CYP4X1: variants seen among roughly 807,000 people sequenced by gnomAD.
The protein encoded by CYP4X1 is cytochrome P450 family 4 subfamily X member 1.
In CYP4X1, 44 loss-of-function variants were observed where a neutral mutation model predicts 57.9. The ratio of observed to expected loss-of-function variants is 0.76; its 90% CI spans 0.60 to 0.98. CYP4X1 has a LOEUF of 0.98. CYP4X1 is among the 50% of genes least tolerant of loss of function. The pLI is 0.00. For synonymous variants in CYP4X1, 227 were observed against 228.6 expected (o/e 0.99, Z 0.06); for missense variants, 532 against 623.9 (o/e 0.85, Z 1.57).
the CYP4X1 span, among the ~76,000 whole-genome samples, chr1:46,965,989 T>C: frequency 8.4e-3 from 1,287 of 152,316 alleles, 14 homozygotes; most frequent in South Asian, 0.045. Context: ...GACCACAATC[T>C]GGCAAGGCAG....
chr1:47,030,858 G>A (rs1557603159), intron 2 of CYP4X1, among the ~76,000 whole-genome samples: 1 of 152,048 alleles, frequency 6.6e-6, no homozygotes, highest in Admixed American at 6.5e-5. Context: ...GCTCTGATTT[G>A]TGTCATGAGA....
At chr1:47,034,514 CACTT>C (rs1644158973) in intron 4 of CYP4X1, among the ~76,000 whole-genome samples, 1 of 152,192 alleles carries the variant, frequency 6.6e-6, no homozygotes. Context: ...GTTTTCCTCT[CACTT>C]CATGTGCAAA....
chr1:47,046,391 C>T, intron 8 of CYP4X1, 76 bp from the exon 9 acceptor site: 2 of 1,584,996 alleles, frequency 1.3e-6, no homozygotes, highest in South Asian at 1.2e-5. Context: ...GTAATAATTA[C>T]CAGGAACAAA....
chr1:47,021,142 CAAAAAAAAAAAAA>C (rs546594827), upstream of CYP4X1, among the ~76,000 whole-genome samples: 3 of 47,452 alleles, frequency 6.3e-5, no homozygotes, highest in South Asian at 1.8e-3. Flanking sequence ...GCAGGAATGC[CAAAAAAAAAAAAA>C]AAAAAAAAAA....
At chr1:47,038,060 AT>A (rs1372180431) in intron 6 of CYP4X1, among the ~76,000 whole-genome samples, 1 of 152,154 alleles carries the variant, frequency 6.6e-6, no homozygotes, top group African/African-American at 2.4e-5. Context: ...CACTGTTTTA[AT>A]TAAGGAGATT....
At chr1:46,961,742 T>C in the CYP4X1 span, 25 of 1,311,492 alleles carry the variant, frequency 1.9e-5, no homozygotes, top group Non-Finnish European at 2.4e-5. Flanking sequence ...TATGACTTCT[T>C]CCTCCAGTGG....
chr1:47,020,749 G>A (rs1643987444), upstream of CYP4X1, among the ~76,000 whole-genome samples: 1 of 152,194 alleles, frequency 6.6e-6, no homozygotes, highest in Non-Finnish European at 1.5e-5. Context: ...ATGGTTCCAT[G>A]TTCTTAAAAT....
chr1:46,963,859 T>G, the CYP4X1 span, among the ~76,000 whole-genome samples: 1 of 152,240 alleles, frequency 6.6e-6, no homozygotes, highest in Non-Finnish European at 1.5e-5. Context: ...GGTTCCATTC[T>G]CCCCGTCACT....
the CYP4X1 span, among the ~76,000 whole-genome samples, chr1:47,017,442 C>T: frequency 6.7e-6 from 1 of 148,466 alleles, no homozygotes; most frequent in Middle Eastern, 3.2e-3. Context: ...TTTTGAGGAA[C>T]ACTTTGACAA....
At chr1:47,041,849 T>G (rs1411010559) in intron 8 of CYP4X1, among the ~76,000 whole-genome samples, 1 of 152,158 alleles carries the variant, frequency 6.6e-6, no homozygotes, top group East Asian at 1.9e-4. Flanking sequence ...CAAAAAATCA[T>G]TGCCAAGAAT....
At chr1:47,006,096 G>T in the CYP4X1 span, among the ~76,000 whole-genome samples, 1 of 152,170 alleles carries the variant, frequency 6.6e-6, no homozygotes, top group Non-Finnish European at 1.5e-5. Context: ...ACTGTTAAAA[G>T]TGAAAGAATC....
chr1:47,029,951 A>T, intron 1 of CYP4X1, 39 bp from the exon 2 acceptor site: 1 of 1,605,308 alleles, frequency 6.2e-7, no homozygotes, highest in Non-Finnish European at 8.5e-7. Context: ...GGACAGGTCC[A>T]GCTTGGCTGG....
chr1:47,019,431 G>A (rs2148500437), upstream of CYP4X1, among the ~76,000 whole-genome samples: 1 of 152,326 alleles, frequency 6.6e-6, no homozygotes, highest in South Asian at 2.1e-4. Context: ...GCCCAGGAAA[G>A]GCCTAGGCAA....
rs1247943755 is a variant in CYP4X1, at chr1:47,028,247, C to T, written c.178-1743C>T. Among the ~76,000 whole-genome samples, 9 of 152,238 alleles carry T rather than the reference C, an allele frequency of 5.9e-5. No individual in the cohort carries two copies. The East Asian group carries it at 1.5e-3, about 26-fold the overall frequency. ...ATCTATGTAGCTAAGTAGTATAAAG[C>T]ACTTGGGCTCCAGAGTTAAACTGGA... On this transcript the variant is annotated intron_variant, in intron 1 of 11. Coordinates refer to ENST00000371901, the MANE Select transcript of CYP4X1 (RefSeq NM_178033.2).
rs1193974743 is a variant in CYP4X1, at chr1:47,049,998, A to G, written c.1356-2A>G. The G allele has an allele frequency of 2.5e-6, 4 of 1,611,924 alleles. No homozygotes were observed. The highest frequency in any genetic ancestry group is 1.7e-6 in the Non-Finnish European group (2 of 1,179,484). On this transcript the variant is annotated splice_acceptor_variant, in intron 11 of 11. Coordinates refer to ENST00000371901, the MANE Select transcript of CYP4X1 (RefSeq NM_178033.2). LOFTEE classifies it high-confidence loss of function. Reference sequence around the variant, plus strand: ...ATCACTTTCTTTCCCTCTTGTCTTCAGGAACTGCATTGGGCAGGAGTTTGC... The same window carrying G: ...ATCACTTTCTTTCCCTCTTGTCTTCGGGAACTGCATTGGGCAGGAGTTTGC...
At chr1:47,009,122 T>C in the CYP4X1 span, among the ~76,000 whole-genome samples, 5 of 152,220 alleles carry the variant, frequency 3.3e-5, no homozygotes, top group Non-Finnish European at 5.9e-5. Flanking sequence ...TACATTCTTT[T>C]CAGCACCACA....
chr1:47,016,490 C>T, the CYP4X1 span, among the ~76,000 whole-genome samples: 58,047 of 151,652 alleles, frequency 0.38, 12,463 homozygotes, highest in East Asian at 0.62. Flanking sequence ...TACAGGGGCC[C>T]ACCACCACGC....
the CYP4X1 span, among the ~76,000 whole-genome samples, chr1:46,963,074 C>A: frequency 6.6e-6 from 1 of 152,114 alleles, no homozygotes; most frequent in Admixed American, 6.5e-5. Context: ...AGAATTGCAA[C>A]CCCTGCCTTT....
downstream of CYP4X1, among the ~76,000 whole-genome samples, chr1:47,051,840 A>C (rs1281373185): frequency 2.6e-5 from 4 of 152,194 alleles, no homozygotes; most frequent in Admixed American, 6.5e-5. Flanking sequence ...AATAAATTAC[A>C]AACATCAATA....
Sources: allele counts gnomAD v4.1 joint callset (sites outside exome capture counted in the v4.1 genomes callset), GRCh38; gene constraint gnomAD v4.1.1; transcripts MANE v1.5; gene names NCBI Gene and HGNC (gene_info 2026-07-23, HGNC 2026-07-21).